Variants in JADE1 observed in about 807,000 individuals in gnomAD.
The protein encoded by JADE1 is protein Jade-1.
A neutral mutation model predicts 81.8 loss-of-function variants in JADE1; 14 were observed. The ratio of observed to expected loss-of-function variants is 0.17; its 90% CI spans 0.11 to 0.27. The LOEUF is 0.27. JADE1 is among the 10% of genes least tolerant of loss of function. The probability of loss-of-function intolerance (pLI) is 1.00; values close to 1 mark genes in which losing one functional copy is unlikely to be tolerated. For synonymous variants in JADE1, 353 were observed against 391.9 expected (o/e 0.90, Z 1.17); for missense variants, 690 against 1,047.9 (o/e 0.66, Z 4.71).
At position 128,849,055 on chromosome 4, in the gene JADE1, C is replaced by T. The variant is rs368682071; in HGVS notation, c.372C>T (p.Pro124=). 6.2e-6 allele frequency: 10 copies of T among 1,614,112 alleles called. No homozygotes were observed. The highest frequency in any genetic ancestry group is 7.6e-6 in the Non-Finnish European group (9 of 1,180,032). ...TCGTGTCATCAGGCTCTGAGCCTCCCGAGTTGGGCTATGTGGACATCCGGA... is the reference window on the plus strand; with the variant it reads ...TCGTGTCATCAGGCTCTGAGCCTCCTGAGTTGGGCTATGTGGACATCCGGA... ...KYIVSSGSEP[P]ELGYVDIRTL... is the part of the protein sequence containing the mutation. The change falls in exon 5 of 11, where the codon CCC becomes CCT. Residue 124 remains proline (P), a synonymous_variant. Coordinates refer to ENST00000226319, the MANE Select transcript of JADE1 (RefSeq NM_199320.4).
intron 2 of JADE1, among the ~76,000 whole-genome samples, chr4:128,841,039 A>G (rs1378667026): frequency 6.6e-6 from 1 of 152,160 alleles, no homozygotes; most frequent in Non-Finnish European, 1.5e-5. Context: ...TGCAGAATCT[A>G]TTTCTTAAGG....
Position 128,872,363 on chromosome 4 carries a change from A to G in JADE1, c.*101A>G, listed in dbSNP as rs577396401. On this transcript the variant is annotated 3_prime_UTR_variant, in exon 11 of 11. Coordinates refer to ENST00000226319, the MANE Select transcript of JADE1 (RefSeq NM_199320.4). The stretch of plus-strand genomic sequence containing the variant: ...AGCAGAAACCCATTAATCCTGAGCT[A>G]CACAAACACATTTACTTGCAATTCA... The G allele has an allele frequency of 4.3e-6, 4 of 940,550 alleles. No homozygotes were observed. The highest frequency in any genetic ancestry group is 2.6e-5 in the Admixed American group (1 of 39,084). 58.3% of individuals were successfully genotyped at this position (940,550 alleles called of 1,614,324 possible).
intron 2 of JADE1, among the ~76,000 whole-genome samples, chr4:128,840,900 C>T: frequency 6.6e-6 from 1 of 152,248 alleles, no homozygotes. Flanking sequence ...GCTGGTGGAA[C>T]AGCAGTCAGT....
chr4:128,872,736 C>A lies in JADE1; in HGVS notation c.*474C>A. 3.5e-6 allele frequency: 1 copy of A among 286,490 alleles called. No homozygotes were observed. Among genetic ancestry groups the A allele is most frequent in the Non-Finnish European group, 7.2e-6 (1 of 139,354 alleles). The allele number at this position is 286,490 out of a possible 1,614,324, so 17.7% of individuals were successfully genotyped here. A position where few individuals can be genotyped will look rare whatever the true frequency, so the allele number is the denominator to read the frequency against. ...TCTTGAAATCATATTTATATTTGGC[C>A]CTCAAGGCTATTTTTGTTGCATTAT... On this transcript the variant is annotated 3_prime_UTR_variant, in exon 11 of 11. Transcript: ENST00000226319.
chr4:128,850,007 A>G (rs181397220), intron 5 of JADE1, among the ~76,000 whole-genome samples: 23 of 152,230 alleles, frequency 1.5e-4, no homozygotes, highest in African/African-American at 5.1e-4. Context: ...AATAATCACA[A>G]GATCGGCCGG....
At chr4:128,857,269 A>T (rs936467779) in intron 7 of JADE1, 69 bp from the exon 8 acceptor site, 1 of 1,152,350 alleles carries the variant, frequency 8.7e-7, no homozygotes, top group Non-Finnish European at 1.3e-6. Flanking sequence ...TGGATCTTTT[A>T]GTTTCTGACA....
intron 1 of JADE1, among the ~76,000 whole-genome samples, chr4:128,812,126 G>A (rs188257689): frequency 1.3e-3 from 197 of 151,980 alleles, no homozygotes; most frequent in Middle Eastern, 3.4e-3. Flanking sequence ...CTGCCGCGGC[G>A]GGGGGTGGCC....
At chr4:128,814,681 C>G (rs1276906146) in intron 1 of JADE1, among the ~76,000 whole-genome samples, 1 of 151,578 alleles carries the variant, frequency 6.6e-6, no homozygotes, top group Non-Finnish European at 1.5e-5. Flanking sequence ...CCTGCCTCAG[C>G]CTCCTGAGTA....
intron 1 of JADE1, among the ~76,000 whole-genome samples, chr4:128,824,147 G>A (rs555624456): frequency 1.3e-5 from 2 of 152,244 alleles, no homozygotes; most frequent in East Asian, 1.9e-4. Flanking sequence ...GGCAGGGCGC[G>A]GTGGCTCACG....
chr4:128,835,537 G>C (rs1350557499), intron 2 of JADE1, among the ~76,000 whole-genome samples: 1 of 152,112 alleles, frequency 6.6e-6, no homozygotes, highest in Non-Finnish European at 1.5e-5. Flanking sequence ...CTGCTTTCAG[G>C]TCCACAAAAT....
rs941711556 is a variant in JADE1 at position 128,873,233 on chromosome 4, T to C, written c.*971T>C. 1.1e-5 allele frequency: 1 copy of C among 92,722 alleles called. No individual in the cohort carries two copies. The highest frequency in any genetic ancestry group is 4.4e-5 in the African/African-American group (1 of 22,838). 5.7% of individuals were successfully genotyped at this position (92,722 alleles called of 1,614,324 possible). On this transcript the variant is annotated 3_prime_UTR_variant, in exon 11 of 11. Coordinates refer to ENST00000226319, the MANE Select transcript of JADE1 (RefSeq NM_199320.4). ...TGTTAGGGAATCTGGGCTTCCAACA[T>C]GAATGGATTCCTTAAGAAAAAGGAA...
chr4:128,833,394 G>A (rs1728708078), intron 2 of JADE1, among the ~76,000 whole-genome samples: 1 of 152,120 alleles, frequency 6.6e-6, no homozygotes, highest in Admixed American at 6.6e-5. Context: ...ACATAATTTT[G>A]TCCTACATTA....
In JADE1 at chr4:128,848,879, G is replaced by T. The variant is rs149275682; in HGVS notation, c.297-101G>T. The T allele has an allele frequency of 1.1e-5, 12 of 1,106,826 alleles. No homozygotes were observed. The African/African-American group carries it at 1.1e-4, about 10-fold the overall frequency. 68.6% of individuals were successfully genotyped at this position (1,106,826 alleles called of 1,614,324 possible). ...TTTCAGCCTCTGGTGATGACCTGGG[G>T]CTCTAAGGGTTGGAAGAGGAAGACA... On this transcript the variant is annotated intron_variant, in intron 4 of 10. Transcript: ENST00000226319.
chr4:128,862,450 T>TA (rs920695736), intron 9 of JADE1: 91 of 1,398,940 alleles, frequency 6.5e-5, no homozygotes, highest in Non-Finnish European at 7.6e-5. Context: ...TTTTTTTTTT[T>TA]TAAAAACACT....
intron 2 of JADE1, among the ~76,000 whole-genome samples, chr4:128,834,486 G>A (rs1273282782): frequency 6.6e-6 from 1 of 151,870 alleles, no homozygotes; most frequent in African/African-American, 2.4e-5. Context: ...TTTGGGGATG[G>A]GGGTACAATT....
chr4:128,861,586 A>G (rs1315501744), intron 8 of JADE1, 118 bp from the exon 9 acceptor site: 1 of 1,156,520 alleles, frequency 8.6e-7, no homozygotes, highest in Non-Finnish European at 1.2e-6. Context: ...GTCATGGCAC[A>G]TGCTTGAAGC....
Position 128,846,259 on chromosome 4 carries a change from C to T in JADE1, c.139-116C>T, listed in dbSNP as rs1382028889. 32 of 1,050,950 alleles carry T rather than the reference C, an allele frequency of 3.0e-5. No individual in the cohort carries two copies. The highest frequency in any genetic ancestry group is 4.0e-5 in the Non-Finnish European group (28 of 702,040). The allele number at this position is 1,050,950 out of a possible 1,614,324, so 65.1% of individuals were successfully genotyped here. On this transcript the variant is annotated intron_variant, in intron 3 of 10. Transcript: ENST00000226319. The surrounding 1 kb of genome is among the most constrained non-coding windows in gnomAD (Gnocchi z 4.0). Reference sequence around the variant, plus strand: ...TTTTCTGTAATAGGTCAGGCTTGTTCTATGTTGATACAGTGACCTTGTTAC... The same window carrying T: ...TTTTCTGTAATAGGTCAGGCTTGTTTTATGTTGATACAGTGACCTTGTTAC...
At chr4:128,847,161 T>C (rs1729940420) in intron 4 of JADE1, among the ~76,000 whole-genome samples, 1 of 152,202 alleles carries the variant, frequency 6.6e-6, no homozygotes, top group Non-Finnish European at 1.5e-5. Flanking sequence ...AGGTTGCAGC[T>C]AGTTTACTCA....
rs745721734 is a variant in JADE1, at chr4:128,872,947, G to T, written c.*685G>T. 2 of 455,806 alleles carry T rather than the reference G, an allele frequency of 4.4e-6. No homozygotes were observed. The highest frequency in any genetic ancestry group is 4.7e-5 in the Admixed American group (2 of 42,548). The allele number at this position is 455,806 out of a possible 1,614,324, so 28.2% of individuals were successfully genotyped here. A position where few individuals can be genotyped will look rare whatever the true frequency, so the allele number is the denominator to read the frequency against. On this transcript the variant is annotated 3_prime_UTR_variant, in exon 11 of 11. Transcript: ENST00000226319. Reference sequence around the variant, plus strand: ...CCTGCTGCTTGAAGCCTGTGAGTGGGTTGTGGATATGGGACTGGTGGAGAG... The same window carrying T: ...CCTGCTGCTTGAAGCCTGTGAGTGGTTTGTGGATATGGGACTGGTGGAGAG...
Sources: allele counts gnomAD v4.1 joint callset (sites outside exome capture counted in the v4.1 genomes callset), GRCh38; gene constraint gnomAD v4.1.1; non-coding constraint Gnocchi (gnomAD v3.1); transcripts MANE v1.5; gene names NCBI Gene and HGNC (gene_info 2026-07-23, HGNC 2026-07-21).